The following CMAS variants were observed in gnomAD, a reference collection of about 807,000 sequenced individuals.
The protein encoded by CMAS is cytidine monophosphate N-acetylneuraminic acid synthetase.
In CMAS, 21 loss-of-function variants were observed where a neutral mutation model predicts 53.4. The ratio of observed to expected loss-of-function variants is 0.39; its 90% CI spans 0.28 to 0.57. The LOEUF (loss-of-function observed/expected upper bound fraction) is 0.57. Among genes scored for constraint, CMAS ranks in the 20% least tolerant of loss-of-function variants. The probability of loss-of-function intolerance (pLI) is 0.56; values close to 1 mark genes in which losing one functional copy is unlikely to be tolerated. For synonymous variants in CMAS, 189 were observed against 195.2 expected (o/e 0.97, Z 0.27); for missense variants, 384 against 534.9 (o/e 0.72, Z 2.78).
rs185668526 is a variant in CMAS, at chr12:22,048,617, T to A, written c.260+2054T>A. Among the ~76,000 whole-genome samples, 45 of 152,262 alleles carry A rather than the reference T, an allele frequency of 3.0e-4. No homozygotes were observed. In the East Asian group the frequency reaches 8.3e-3, roughly 28 times the overall value. On this transcript the variant is annotated intron_variant, in intron 1 of 7. Transcript: ENST00000229329. The stretch of plus-strand genomic sequence containing the variant: ...AGCAATTAGTTTAGAAAGCTTGCAA[T>A]TATAAAAACTTTCCCTGCCTTTTGA...
chr12:22,065,490 G>A lies in CMAS; in HGVS notation c.*179G>A. 1.8e-6 allele frequency: 1 copy of A among 542,982 alleles called. No individual in the cohort carries two copies. The highest frequency in any genetic ancestry group is 3.3e-6 in the Non-Finnish European group (1 of 306,692). The allele number at this position is 542,982 out of a possible 1,614,324, so 33.6% of individuals were successfully genotyped here. On this transcript the variant is annotated 3_prime_UTR_variant, in exon 8 of 8. Coordinates refer to ENST00000229329, the MANE Select transcript of CMAS (RefSeq NM_018686.6). ...GATAATTATTTAGAGACTGATTACA[G>A]TCTTTCTCAGATTTTTAGTAAATGC...
intron 3 of CMAS, among the ~76,000 whole-genome samples, chr12:22,056,210 A>T (rs1950267242): frequency 2.0e-5 from 3 of 152,198 alleles, no homozygotes; most frequent in African/African-American, 7.2e-5. Context: ...ATTTTAAAAA[A>T]AGGTCATTTC....
At chr12:22,064,378 A>G (rs1176138910) in intron 7 of CMAS, among the ~76,000 whole-genome samples, 1 of 152,136 alleles carries the variant, frequency 6.6e-6, no homozygotes, top group Non-Finnish European at 1.5e-5. Flanking sequence ...TTCAGCAACT[A>G]TTAATAAATG....
chr12:22,056,846 TCTC>T (rs1439961675), intron 3 of CMAS, among the ~76,000 whole-genome samples: 1 of 152,144 alleles, frequency 6.6e-6, no homozygotes, highest in East Asian at 1.9e-4. Flanking sequence ...TCTTGTACCT[TCTC>T]CTCATACTCA....
intron 4 of CMAS, among the ~76,000 whole-genome samples, chr12:22,059,449 A>T (rs1356714803): frequency 6.6e-6 from 1 of 152,118 alleles, no homozygotes. Flanking sequence ...AGAGGAGGAA[A>T]ACTGCCTCAC....
chr12:22,046,943 C>T (rs1950211058), intron 1 of CMAS, among the ~76,000 whole-genome samples: 2 of 152,162 alleles, frequency 1.3e-5, no homozygotes, highest in African/African-American at 4.8e-5. Flanking sequence ...GGATGGGGGC[C>T]ATCGAAGCTC....
rs1173141520 is a variant in CMAS, at chr12:22,062,306, G to A, written c.986G>A (p.Cys329Tyr). 2.5e-6 allele frequency: 4 copies of A among 1,595,426 alleles called. No homozygotes were observed. Among genetic ancestry groups the A allele is most frequent in the African/African-American group, 2.8e-5 (2 of 71,510 alleles). ...IEVRLISERA[C>Y]SKQTLSSLKL... is the part of the protein sequence containing the mutation. Reference sequence around the variant, plus strand: ...GTGAGGCTAATCTCAGAAAGGGCCTGTTCAAAGCAGACGCTGTCTTCTTTA... The same window carrying A: ...GTGAGGCTAATCTCAGAAAGGGCCTATTCAAAGCAGACGCTGTCTTCTTTA... Residue 329 changes from cysteine (C) to tyrosine (Y), a missense_variant, in exon 7 of 8, where the codon TGT (cysteine) becomes TAT (tyrosine). Cys to Tyr is a radical substitution (Grantham distance 194, BLOSUM62 -2). Around this residue, in one of 3 missense-constraint regions of CMAS, gnomAD observed 134 missense variants for 154.6 expected, o/e 0.87. Transcript: ENST00000229329.
intron 1 of CMAS, among the ~76,000 whole-genome samples, chr12:22,046,907 A>G (rs987108961): frequency 6.6e-6 from 1 of 152,196 alleles, no homozygotes; most frequent in African/African-American, 2.4e-5. Context: ...CCGGTGCAAC[A>G]TCTGTGATAA....
At chr12:22,058,898 A>C (rs1241548710) in intron 4 of CMAS, among the ~76,000 whole-genome samples, 198 bp downstream of exon 4, 2 of 152,140 alleles carry the variant, frequency 1.3e-5, no homozygotes, top group Non-Finnish European at 2.9e-5. Flanking sequence ...GAATCCATTC[A>C]GTAAATATGC....
chr12:22,065,076 C>CT (rs1252320686), intron 7 of CMAS, 45 bp from the exon 8 acceptor site: 1 of 1,493,436 alleles, frequency 6.7e-7, no homozygotes, highest in Non-Finnish European at 9.2e-7. Context: ...CTAGAATATT[C>CT]TTTGTCTCTT....
intron 1 of CMAS, among the ~76,000 whole-genome samples, chr12:22,053,911 C>T (rs1256584927): frequency 1.4e-5 from 2 of 147,356 alleles, no homozygotes; most frequent in Non-Finnish European, 3.0e-5. Context: ...AAAAACATGG[C>T]AGGGTTTTGT....
At chr12:22,058,938 G>T (rs1950288229) in intron 4 of CMAS, among the ~76,000 whole-genome samples, 1 of 151,992 alleles carries the variant, frequency 6.6e-6, no homozygotes, top group Non-Finnish European at 1.5e-5. Context: ...ATAAAAAAAT[G>T]AATCAAGTAC....
In CMAS at chr12:22,058,685, G is replaced by A. The variant is rs1162413575; in HGVS notation, c.678G>A (p.Glu226=). ...SFYFAKRHLI[E]MGYLQGGKMA... ...ATTTTGCTAAAAGACATTTGATAGA[G>A]ATGGGTTACTTGCAGGTTTGTACCT... Residue 226 remains glutamate, a synonymous_variant, in exon 4 of 8, where the codon GAG becomes GAA. Coordinates refer to ENST00000229329, the MANE Select transcript of CMAS (RefSeq NM_018686.6). 1.1e-5 allele frequency: 17 copies of A among 1,613,404 alleles called. No homozygotes were observed. Among genetic ancestry groups the A allele is most frequent in the Non-Finnish European group, 1.4e-5 (17 of 1,179,664 alleles).
intron 4 of CMAS, among the ~76,000 whole-genome samples, chr12:22,060,277 G>C (rs1950299455): frequency 7.5e-6 from 1 of 133,550 alleles, no homozygotes; most frequent in African/African-American, 2.8e-5. Flanking sequence ...AACTTGAACT[G>C]TTTAGATAGA....
chr12:22,058,830 C>A, intron 4 of CMAS, 130 bp downstream of exon 4: 2 of 1,071,412 alleles, frequency 1.9e-6, no homozygotes, highest in Non-Finnish European at 2.6e-6. Flanking sequence ...AGGTAATAGC[C>A]AACAACATTT....
rs1258283786 is a variant in CMAS at position 22,060,452 on chromosome 12, C to T, written c.694-380C>T. Among the ~76,000 whole-genome samples the T allele has an allele frequency of 3.3e-5, 5 of 149,752 alleles. No homozygotes were observed. In the South Asian group the frequency reaches 6.5e-4, roughly 19 times the overall value. ...ATAGCTTGAGGCCAGGTTTCCAAGA[C>T]CAGCCTTGGCAACATAGCAAGATCT... On this transcript the variant is annotated intron_variant, in intron 4 of 7. Coordinates refer to ENST00000229329, the MANE Select transcript of CMAS (RefSeq NM_018686.6).
chr12:22,055,692 A>G, intron 3 of CMAS, 82 bp downstream of exon 3: 1 of 1,171,890 alleles, frequency 8.5e-7, no homozygotes, highest in South Asian at 1.3e-5. Context: ...AGGCATGAGG[A>G]GAGTAAAAGG....
intron 3 of CMAS, among the ~76,000 whole-genome samples, chr12:22,057,354 C>G (rs1161569548): frequency 6.6e-6 from 1 of 151,794 alleles, no homozygotes; most frequent in Non-Finnish European, 1.5e-5. Context: ...ACATTATGTT[C>G]TATTCATTAA....
rs76751254 is a variant in CMAS at position 22,060,596 on chromosome 12, A to G, written c.694-236A>G. 448 of 359,720 alleles carry G rather than the reference A, an allele frequency of 1.2e-3. 9 individuals are homozygous for G. In the East Asian group the frequency reaches 0.018, roughly 14 times the overall value. 22.3% of individuals were successfully genotyped at this position (359,720 alleles called of 1,614,324 possible). A position where few individuals can be genotyped will look rare whatever the true frequency, so the allele number is the denominator to read the frequency against. ...TTGAGCCTAAGATTTCAAGGTTATA[A>G]TGAGCTATGATTGCACCATTGCACT... On this transcript the variant is annotated intron_variant, in intron 4 of 7. Coordinates refer to ENST00000229329, the MANE Select transcript of CMAS (RefSeq NM_018686.6).
Sources: allele counts gnomAD v4.1 joint callset (sites outside exome capture counted in the v4.1 genomes callset), GRCh38; gene constraint gnomAD v4.1.1; regional missense constraint gnomAD v4.1.1; transcripts MANE v1.5; gene names NCBI Gene and HGNC (gene_info 2026-07-23, HGNC 2026-07-21).